Variants in HS1BP3 observed in about 807,000 individuals in gnomAD.
The protein encoded by HS1BP3 is HCLS1-binding protein 3.
HS1BP3 carries 32 observed loss-of-function variants against 33.5 expected under a neutral mutation model. The ratio of observed to expected loss-of-function variants is 0.95; its 90% CI spans 0.72 to 1.28. The LOEUF (loss-of-function observed/expected upper bound fraction) is 1.28. Among genes scored for constraint, HS1BP3 ranks in the 50% most tolerant of loss-of-function variants. The probability of loss-of-function intolerance (pLI) is 0.00; values close to 1 mark genes in which losing one functional copy is unlikely to be tolerated. For missense variants in HS1BP3, 486 were observed against 502.3 expected, an observed-to-expected ratio of 0.97 and a Z score of 0.31; for synonymous variants, 187 against 209.2, an observed-to-expected ratio of 0.89 and a Z score of 0.92.
chr2:20,560,509 C>T (rs961909856), exon 6 of HS1BP3: 6 of 152,268 alleles, frequency 3.9e-5, no homozygotes, highest in Non-Finnish European at 7.3e-5. Context: ...CCTTATGAGC[C>T]AGTGTCCTGC....
At chr2:20,587,729 G>C (rs1286720810), downstream of HS1BP3, among the ~76,000 whole-genome samples, 2 of 147,418 alleles carry the variant, frequency 1.4e-5, no homozygotes, top group African/African-American at 5.4e-5. Context: ...CTGGGCGACA[G>C]AGCGAGACTC....
intron 6 of HS1BP3, among the ~76,000 whole-genome samples, chr2:20,619,905 G>A (rs1694541801): frequency 6.6e-6 from 1 of 152,198 alleles, no homozygotes; most frequent in South Asian, 2.1e-4. Context: ...GGCCACACGG[G>A]TGCCAGACGG....
chr2:20,639,581 GA>G (rs1455715925), intron 3 of HS1BP3, among the ~76,000 whole-genome samples: 1 of 152,184 alleles, frequency 6.6e-6, no homozygotes, highest in Non-Finnish European at 1.5e-5. Context: ...TGATAATGAC[GA>G]TATCGTATTA....
rs1231726040 is a variant in HS1BP3 at position 20,619,050 on chromosome 2, C to T, written c.1116G>A (p.Met372Ile). 4 of 1,614,060 alleles carry T rather than the reference C, an allele frequency of 2.5e-6. No homozygotes were observed. The highest frequency in any genetic ancestry group is 3.4e-6 in the Non-Finnish European group (4 of 1,180,036). The change falls in exon 7 of 7, where the codon ATG becomes ATA. Residue 372 changes from methionine to isoleucine, a missense_variant. Coordinates refer to ENST00000304031, the MANE Select transcript of HS1BP3 (RefSeq NM_022460.4). ...PQEQIQAMDE[M>I]DILQYIQDHD... ...GGTCCTGGATGTACTGCAAGATGTC[C>T]ATCTCGTCCATGGCTTGGATCTGCT... is the stretch of plus-strand genomic sequence containing the variant.
chr2:20,618,979 T>C lies in HS1BP3; in HGVS notation c.*8A>G, dbSNP rs756747321. On this transcript the variant is annotated 3_prime_UTR_variant, in exon 7 of 7. Coordinates refer to ENST00000304031, the MANE Select transcript of HS1BP3 (RefSeq NM_022460.4). The stretch of plus-strand genomic sequence containing the variant: ...AGGCCTGCTGGGCCAGGGGCCAGCA[T>C]GGAAGGGTCAGAAGAGGCTGGGGGC... 5 of 1,611,108 alleles carry C rather than the reference T, an allele frequency of 3.1e-6. No homozygotes were observed. The East Asian group carries it at 6.7e-5, about 22-fold the overall frequency.
At chr2:20,588,906 C>T (rs768778524), downstream of HS1BP3, among the ~76,000 whole-genome samples, 68 of 152,136 alleles carry the variant, frequency 4.5e-4, no homozygotes, top group African/African-American at 8.5e-4. Context: ...CTGATTTCCC[C>T]GGGGGAGGGC....
At chr2:20,578,209 C>T (rs1026524343) in intron 5 of HS1BP3, among the ~76,000 whole-genome samples, 1 of 152,208 alleles carries the variant, frequency 6.6e-6, no homozygotes, top group Non-Finnish European at 1.5e-5. Context: ...TGGGAACAGC[C>T]TCTCTTGACC....
chr2:20,566,474 G>A (rs1693130745), intron 5 of HS1BP3, among the ~76,000 whole-genome samples: 1 of 152,218 alleles, frequency 6.6e-6, no homozygotes, highest in Non-Finnish European at 1.5e-5. Context: ...TCTGGTCAAG[G>A]AAGACAAGGA....
chr2:20,571,113 T>C (rs1693259783), intron 5 of HS1BP3, among the ~76,000 whole-genome samples: 1 of 152,214 alleles, frequency 6.6e-6, no homozygotes, highest in Admixed American at 6.5e-5. Flanking sequence ...AGACCAGGCC[T>C]TGAGGCTTAG....
Position 20,624,750 on chromosome 2 carries a change from CCT to C in HS1BP3, c.764_765del (p.Glu255GlyfsTer12). 1 of 1,605,372 alleles carries C rather than the reference CCT, an allele frequency of 6.2e-7. No homozygotes were observed. The highest frequency in any genetic ancestry group is 8.5e-7 in the Non-Finnish European group (1 of 1,174,810). On this transcript the variant is annotated frameshift_variant, in exon 5 of 7. Coordinates refer to ENST00000304031, the MANE Select transcript of HS1BP3 (RefSeq NM_022460.4). LOFTEE classifies it high-confidence loss of function. ...TACTTACGGTCCACGGATGACACGT[CCT>C]CCGAGGGGTCCTGTGGAGACAGCTT... ...GRKLSPQDPS[E>X]DVSSVDPLKL...
At chr2:20,558,234 G>A (rs966270934), downstream of HS1BP3, among the ~76,000 whole-genome samples, 13 of 152,280 alleles carry the variant, frequency 8.5e-5, no homozygotes, top group African/African-American at 2.9e-4. Flanking sequence ...GCATTGAAGG[G>A]CTCTGGGCAG....
chr2:20,623,947 C>G lies in HS1BP3; in HGVS notation c.869G>C (p.Gly290Ala). The G allele has an allele frequency of 4.3e-6, 7 of 1,612,640 alleles. No homozygotes were observed. Among genetic ancestry groups the G allele is most frequent in the Non-Finnish European group, 5.9e-6 (7 of 1,179,926 alleles). Residue 290 changes from glycine to alanine, a missense_variant, in exon 6 of 7, where the codon GGA becomes GCA. Gly to Ala is a moderately conservative substitution (Grantham distance 60, BLOSUM62 0). Transcript: ENST00000304031. ...SLLLPAACES[G>A]GPTPSLSHRD... ...GTGGCTGAGGCTGGGTGTGGGCCCTCCACTCTCACAGGCGGCTGGCAGCAG... is the reference window on the plus strand; with the variant it reads ...GTGGCTGAGGCTGGGTGTGGGCCCTGCACTCTCACAGGCGGCTGGCAGCAG...
the HS1BP3 span, among the ~76,000 whole-genome samples, chr2:20,554,042 G>A: frequency 4.6e-5 from 7 of 152,128 alleles, no homozygotes; most frequent in African/African-American, 1.2e-4. Context: ...AATTCCCACC[G>A]AGTGATGTCA....
chr2:20,631,041 GA>G (rs1304689696), intron 4 of HS1BP3, among the ~76,000 whole-genome samples: 1 of 152,172 alleles, frequency 6.6e-6, no homozygotes, highest in Non-Finnish European at 1.5e-5. Flanking sequence ...TTCCTTACTG[GA>G]GGTCAAAGGG....
At chr2:20,582,878 T>C (rs1050467064) in intron 5 of HS1BP3, among the ~76,000 whole-genome samples, 1 of 152,132 alleles carries the variant, frequency 6.6e-6, no homozygotes, top group Non-Finnish European at 1.5e-5. Flanking sequence ...AGGGACCCTT[T>C]TGGCAGGGTC....
At chr2:20,610,606 G>C (rs1694299815) in intron 2 of HS1BP3, among the ~76,000 whole-genome samples, 1 of 152,162 alleles carries the variant, frequency 6.6e-6, no homozygotes, top group African/African-American at 2.4e-5. Context: ...ATATACTGCA[G>C]TCTGTTTACT....
intron 4 of HS1BP3, among the ~76,000 whole-genome samples, chr2:20,634,341 G>T (rs1695056315): frequency 6.6e-6 from 1 of 152,218 alleles, no homozygotes; most frequent in Non-Finnish European, 1.5e-5. Context: ...ACAGATTCTG[G>T]GGGCCCTACC....
At chr2:20,624,625 A>C in intron 5 of HS1BP3, 107 bp downstream of exon 5, 1 of 1,026,698 alleles carries the variant, frequency 9.7e-7, no homozygotes, top group African/African-American at 1.6e-5. Flanking sequence ...TAAACAGGAC[A>C]GGGGAGATAT....
intron 2 of HS1BP3, among the ~76,000 whole-genome samples, chr2:20,598,843 C>T (rs1694007206): frequency 6.6e-6 from 1 of 152,138 alleles, no homozygotes; most frequent in South Asian, 2.1e-4. Context: ...CAGGCGTGAG[C>T]CACCGCGCCC....
Sources: gnomAD v4.1 joint callset for allele counts (sites outside exome capture counted in the v4.1 genomes callset) on GRCh38, gnomAD v4.1.1 for gene constraint, MANE v1.5 for transcripts, NCBI Gene and HGNC (gene_info 2026-07-23, HGNC 2026-07-21) for gene names.